The following STAG1 variants were observed in gnomAD, a reference collection of about 807,000 sequenced individuals.
STAG1 encodes the protein STAG1 cohesin complex component.
In STAG1, 26 loss-of-function variants were observed where a neutral mutation model predicts 170.9. The ratio of observed to expected loss-of-function variants is 0.15; its 90% CI spans 0.11 to 0.21. STAG1 has a LOEUF of 0.21. Among genes scored for constraint, STAG1 ranks in the 10% least tolerant of loss-of-function variants. The probability of loss-of-function intolerance (pLI) is 1.00; values close to 1 mark genes in which losing one functional copy is unlikely to be tolerated. For synonymous variants in STAG1, 514 were observed against 497.7 expected, an observed-to-expected ratio of 1.03 and a Z score of -0.44; for missense variants, 964 against 1,509.5, an observed-to-expected ratio of 0.64 and a Z score of 5.99.
Position 136,521,378 on chromosome 3 carries a change from A to C in STAG1, c.511T>G (p.Trp171Gly). Reference protein sequence around the residue: ...DYPLTMPGPQWKKFRSNFCEF... With the variant: ...DYPLTMPGPQGKKFRSNFCEF... ...CAAAAGTTTGAACGAAATTTTTTCC[A>C]CTGAGGTCCAGGCATGGTAAGAGGA... is the stretch of plus-strand genomic sequence containing the variant. The change falls in exon 7 of 34, where the codon TGG (tryptophan) becomes GGG (glycine). Residue 171 changes from tryptophan to glycine, a missense_variant. Trp to Gly is a radical substitution (Grantham distance 184). Transcript: ENST00000383202. 1 of 1,613,688 alleles carries C rather than the reference A, an allele frequency of 6.2e-7. No individual in the cohort carries two copies. The highest frequency in any genetic ancestry group is 8.5e-7 in the Non-Finnish European group (1 of 1,179,700).
intron 4 of STAG1, among the ~76,000 whole-genome samples, chr3:136,577,770 T>C (rs769765734): frequency 4.4e-4 from 67 of 152,188 alleles, no homozygotes; most frequent in Non-Finnish European, 7.6e-4. Context: ...CTGAGGAACA[T>C]GTATGATAGT....
At chr3:136,456,107 A>G (rs1259775931) in intron 13 of STAG1, among the ~76,000 whole-genome samples, 2 of 152,230 alleles carry the variant, frequency 1.3e-5, no homozygotes, top group Non-Finnish European at 2.9e-5. Flanking sequence ...ACAAGCATCA[A>G]CTTAAGTCAG....
In STAG1 at chr3:136,351,696, C is replaced by T. The variant is rs2108270931; in HGVS notation, c.3066-2333G>A. Among the ~76,000 whole-genome samples the T allele has an allele frequency of 2.0e-5, 3 of 152,220 alleles. No homozygotes were observed. In the Middle Eastern group the frequency reaches 0.01, roughly 518 times the overall value. Reference sequence around the variant, plus strand: ...GCTTAAAAATAAAATAGTAATGCTTCCCTGGTTGTCTGAAGACTGCACACC... The same window carrying T: ...GCTTAAAAATAAAATAGTAATGCTTTCCTGGTTGTCTGAAGACTGCACACC... On this transcript the variant is annotated intron_variant, in intron 28 of 33. Coordinates refer to ENST00000383202, the MANE Select transcript of STAG1 (RefSeq NM_005862.3).
intron 28 of STAG1, among the ~76,000 whole-genome samples, chr3:136,354,490 T>C (rs560549257): frequency 5.9e-5 from 9 of 151,720 alleles, no homozygotes; most frequent in African/African-American, 1.9e-4. Context: ...TTATTAGAGA[T>C]GGGGTTTCAC....
intron 4 of STAG1, among the ~76,000 whole-genome samples, chr3:136,589,733 C>T (rs532160982): frequency 6.6e-6 from 1 of 150,810 alleles, no homozygotes; most frequent in Admixed American, 6.6e-5. Flanking sequence ...GAGTTCAAGA[C>T]CAACCTAGCC....
intron 18 of STAG1, 66 bp downstream of exon 18, chr3:136,422,702 A>ACTT (rs2087993940): frequency 6.6e-7 from 1 of 1,517,388 alleles, no homozygotes; most frequent in Admixed American, 2.0e-5. Context: ...AGTCTATAAG[A>ACTT]GTACATGAAA....
At chr3:136,505,907 G>A (rs532084711) in intron 7 of STAG1, among the ~76,000 whole-genome samples, 1 of 152,280 alleles carries the variant, frequency 6.6e-6, no homozygotes, top group East Asian at 1.9e-4. Context: ...TAAACTGTTG[G>A]GAGGAGGGTA....
At chr3:136,370,710 A>C (rs1023927872) in intron 23 of STAG1, among the ~76,000 whole-genome samples, 3 of 152,224 alleles carry the variant, frequency 2.0e-5, no homozygotes, top group Admixed American at 6.5e-5. Context: ...TTATGGCTGC[A>C]TAGTATTCCA....
intron 7 of STAG1, among the ~76,000 whole-genome samples, chr3:136,506,412 C>A (rs548106324): frequency 6.8e-6 from 1 of 148,014 alleles, no homozygotes; most frequent in East Asian, 2.0e-4. Context: ...AGGTGGATCA[C>A]TGGAGGTCAG....
intron 12 of STAG1, among the ~76,000 whole-genome samples, chr3:136,466,003 T>C (rs937405948): frequency 3.9e-5 from 6 of 152,132 alleles, no homozygotes; most frequent in Admixed American, 6.6e-5. Flanking sequence ...ACCCCATCTG[T>C]ACGTCACCAT....
intron 13 of STAG1, among the ~76,000 whole-genome samples, chr3:136,463,735 A>ATGTGTGTG (rs140989476): frequency 0.091 from 9,177 of 101,022 alleles, 420 homozygotes; most frequent in East Asian, 0.24. Flanking sequence ...AAATGTGTAT[A>ATGTGTGTG]TGTGTGTGTG....
At chr3:136,341,069 C>T (rs912372362) in intron 31 of STAG1, among the ~76,000 whole-genome samples, 2 of 152,062 alleles carry the variant, frequency 1.3e-5, no homozygotes, top group Admixed American at 6.5e-5. Flanking sequence ...CCACCATGCC[C>T]GGCTAATTTT....
intron 8 of STAG1, among the ~76,000 whole-genome samples, chr3:136,501,695 T>C (rs2107865320): frequency 6.6e-6 from 1 of 152,312 alleles, no homozygotes; most frequent in African/African-American, 2.4e-5. Context: ...AGCAGCCCTA[T>C]CAAACTAATA....
At chr3:136,359,434 T>G (rs1936775061) in intron 26 of STAG1, 138 bp from the exon 27 acceptor site, 3 of 551,156 alleles carry the variant, frequency 5.4e-6, no homozygotes, top group African/African-American at 3.8e-5. Flanking sequence ...AGCTACTCTG[T>G]TCCCTTTCTA....
intron 24 of STAG1, among the ~76,000 whole-genome samples, chr3:136,367,669 G>C (rs1209467288): frequency 6.6e-6 from 1 of 152,016 alleles, no homozygotes; most frequent in Non-Finnish European, 1.5e-5. Flanking sequence ...TTTTCTTTTA[G>C]AAAAATATTT....
At position 136,604,490 on chromosome 3, in the gene STAG1, A is replaced by G; in HGVS notation, c.133-17T>C. The G allele has an allele frequency of 6.3e-7, 1 of 1,583,460 alleles. No individual in the cohort carries two copies. The highest frequency in any genetic ancestry group is 8.5e-7 in the Non-Finnish European group (1 of 1,169,860). ...ATTTGTAGACTGAAAAAAAGATAAA[A>G]AAAGATTCCATTCGATTAGGTTTAC... On this transcript the variant is annotated splice_polypyrimidine_tract_variant and intron_variant, in intron 3 of 33. Coordinates refer to ENST00000383202, the MANE Select transcript of STAG1 (RefSeq NM_005862.3).
Position 136,752,229 on chromosome 3 carries a change from C to G in STAG1, c.-118G>C, listed in dbSNP as rs915159549. ...CCATCCGGGCGCCGCCGACCATCGA[C>G]CTAGTTTCCCCCCAAAAGTCTCCGG... is the stretch of plus-strand genomic sequence containing the variant. On this transcript the variant is annotated 5_prime_UTR_variant, in exon 1 of 34. Coordinates refer to ENST00000383202, the MANE Select transcript of STAG1 (RefSeq NM_005862.3). The G allele has an allele frequency of 6.5e-6, 1 of 153,086 alleles. No homozygotes were observed. The highest frequency in any genetic ancestry group is 1.5e-5 in the Non-Finnish European group (1 of 68,066). The allele number at this position is 153,086 out of a possible 1,614,324, so 9.5% of individuals were successfully genotyped here.
At chr3:136,536,040 G>A (rs1935605218) in intron 6 of STAG1, among the ~76,000 whole-genome samples, 1 of 152,068 alleles carries the variant, frequency 6.6e-6, no homozygotes, top group African/African-American at 2.4e-5. Context: ...CAGCATGTAA[G>A]TATATCCTCA....
chr3:136,595,243 G>A (rs1190518883), intron 4 of STAG1, among the ~76,000 whole-genome samples: 1 of 152,098 alleles, frequency 6.6e-6, no homozygotes. Context: ...CTAAAAGTCA[G>A]GATGTCCAAA....
Sources: gnomAD v4.1 joint callset for allele counts (sites outside exome capture counted in the v4.1 genomes callset) on GRCh38, gnomAD v4.1.1 for gene constraint, MANE v1.5 for transcripts, NCBI Gene and HGNC (gene_info 2026-07-23, HGNC 2026-07-21) for gene names.